The following ZNF439 variants were observed in gnomAD, a reference collection of about 807,000 sequenced individuals.
ZNF439 encodes the protein zinc finger protein 439.
A neutral mutation model predicts 47.3 loss-of-function variants in ZNF439; 40 were observed. That is an observed-to-expected ratio of 0.85 (90% CI 0.66 to 1.10). The LOEUF (loss-of-function observed/expected upper bound fraction) is 1.10. Among genes scored for constraint, ZNF439 ranks in the 50% least tolerant of loss-of-function variants. The pLI is 0.00. For synonymous variants in ZNF439, 171 were observed against 198.8 expected (o/e 0.86, Z 1.18); for missense variants, 556 against 601.1 (o/e 0.93, Z 0.78).
intron 1 of ZNF439, among the ~76,000 whole-genome samples, chr19:11,864,268 G>A (rs1976614935): frequency 6.6e-6 from 1 of 152,076 alleles, no homozygotes; most frequent in Non-Finnish European, 1.5e-5. Flanking sequence ...CTTGTCACAT[G>A]CCTTTTCTGC....
At chr19:11,853,821 A>C (rs1976314431) in intron 1 of ZNF439, among the ~76,000 whole-genome samples, 1 of 152,230 alleles carries the variant, frequency 6.6e-6, no homozygotes, top group African/African-American at 2.4e-5. Flanking sequence ...AACAAAAAAC[A>C]GAGACTAAAC....
intron 3 of ZNF439, among the ~76,000 whole-genome samples, chr19:11,867,090 G>A (rs1447466921): frequency 2.0e-5 from 3 of 152,208 alleles, no homozygotes; most frequent in Non-Finnish European, 2.9e-5. Flanking sequence ...TACATGGGAA[G>A]AGTATTAAGA....
Position 11,865,712 on chromosome 19 carries a change from C to CAAAAAAA in ZNF439, c.64-471_64-465dup, listed in dbSNP as rs71166640. Among the ~76,000 whole-genome samples, 28 of 82,004 alleles carry CAAAAAAA rather than the reference C, an allele frequency of 3.4e-4. 4 individuals are homozygous for CAAAAAAA. The highest frequency in any genetic ancestry group is 1.5e-3 in the African/African-American group (22 of 14,722). 53.8% of individuals were successfully genotyped at this position (82,004 alleles called of 152,430 possible). A position where few individuals can be genotyped will look rare whatever the true frequency, so the allele number is the denominator to read the frequency against. On this transcript the variant is annotated intron_variant, in intron 1 of 3. Transcript: ENST00000682736. Reference sequence around the variant, plus strand: ...CAGCTGACAGAGCGATACACTATCACAAAAAAAAAAAAAAAAAAAAAAAAA... The same window carrying CAAAAAAA: ...CAGCTGACAGAGCGATACACTATCACAAAAAAAAAAAAAAAAAAAAAAAAAAAAAAAA...
At chr19:11,849,226 C>T in intron 1 of ZNF439, 3 of 1,039,706 alleles carry the variant, frequency 2.9e-6, no homozygotes, top group Non-Finnish European at 3.5e-6. Context: ...GCGCGGATTT[C>T]GACTCGGGTG....
At chr19:11,848,961 G>C (rs1328754774) in intron 1 of ZNF439, 31 bp downstream of exon 1, 10 of 1,530,918 alleles carry the variant, frequency 6.5e-6, no homozygotes, top group East Asian at 2.5e-5. Flanking sequence ...TGGTGCGATG[G>C]GGGAGGGGCT....
At chr19:11,853,527 T>A (rs1201460876) in intron 1 of ZNF439, among the ~76,000 whole-genome samples, 1 of 152,094 alleles carries the variant, frequency 6.6e-6, no homozygotes, top group African/African-American at 2.4e-5. Context: ...GCTCCAGATG[T>A]CCCAGTAGAT....
chr19:11,868,351 C>A lies in ZNF439; in HGVS notation c.1297C>A (p.His433Asn). ...CAGATCTGCCCCAAATCTTCAATTG[C>A]ATGGTAGGACTCACACTGGAGAGAA... ...AFRSAPNLQL[H>N]GRTHTGEKPY... Residue 433 changes from histidine (H) to asparagine (N), a missense_variant, in exon 4 of 4, where the codon CAT becomes AAT. Transcript: ENST00000682736. 6.2e-7 allele frequency: 1 copy of A among 1,602,378 alleles called. No individual in the cohort carries two copies. The highest frequency in any genetic ancestry group is 8.5e-7 in the Non-Finnish European group (1 of 1,170,598).
At position 11,858,962 on chromosome 19, in the gene ZNF439, G is replaced by C. The variant is rs1232155220; in HGVS notation, c.64-7243G>C. ...TTGACCCTTGGCTCTTTTTAGATTT[G>C]TCAACTACTAAATTAGCCATTGCTT... On this transcript the variant is annotated intron_variant, in intron 1 of 3. Transcript: ENST00000682736. Among the ~76,000 whole-genome samples, 3 of 152,082 alleles carry C rather than the reference G, an allele frequency of 2.0e-5. No individual in the cohort carries two copies. In the East Asian group the frequency reaches 5.8e-4, roughly 29 times the overall value.
intron 1 of ZNF439, among the ~76,000 whole-genome samples, chr19:11,860,207 C>T (rs930825944): frequency 2.0e-5 from 3 of 152,032 alleles, no homozygotes; most frequent in Non-Finnish European, 4.4e-5. Context: ...TTTGGGAGGC[C>T]GAGGCGGGTG....
At chr19:11,864,152 C>T (rs552016582) in intron 1 of ZNF439, among the ~76,000 whole-genome samples, 32 of 152,176 alleles carry the variant, frequency 2.1e-4, no homozygotes, top group African/African-American at 7.5e-4. Flanking sequence ...GAATTGCAGA[C>T]GTGTGAAAAA....
At chr19:11,855,201 G>T (rs1039604382) in intron 1 of ZNF439, among the ~76,000 whole-genome samples, 3 of 152,296 alleles carry the variant, frequency 2.0e-5, no homozygotes, top group Admixed American at 1.3e-4. Context: ...TTTGTGCCAT[G>T]ATTTCTAATT....
chr19:11,849,162 C>A, intron 1 of ZNF439: 1 of 1,092,514 alleles, frequency 9.2e-7, no homozygotes, highest in Non-Finnish European at 1.1e-6. Flanking sequence ...TTTTGTGCAG[C>A]TCCGCGCCCG....
Position 11,867,379 on chromosome 19 carries a change from G to C in ZNF439, c.325G>C (p.Asp109His). The C allele has an allele frequency of 6.2e-7, 1 of 1,613,970 alleles. No individual in the cohort carries two copies. The highest frequency in any genetic ancestry group is 8.5e-7 in the Non-Finnish European group (1 of 1,179,860). The change falls in exon 4 of 4, where the codon GAT (aspartate) becomes CAT (histidine). Residue 109 changes from aspartate (D) to histidine (H), a missense_variant. Asp to His is a moderately conservative substitution (Grantham distance 81, BLOSUM62 -1). Transcript: ENST00000682736. ...TGGAGAAACTTTTACCCCAGTTCCA[G>C]ATGACAGGCTGAACTTCCAGAAGAA... ...HCGETFTPVP[D>H]DRLNFQKKKA...
rs573142936 is a variant in ZNF439, at chr19:11,853,939, A to C, written c.63+5009A>C. On this transcript the variant is annotated intron_variant, in intron 1 of 3. Transcript: ENST00000682736. ...GGAATTCACTCCAGACTTCTAAGGA[A>C]GGCTGAAACTCTTGAGTTTGCTTAT... Among the ~76,000 whole-genome samples, 6 of 152,348 alleles carry C rather than the reference A, an allele frequency of 3.9e-5. No individual in the cohort carries two copies. In the East Asian group the frequency reaches 9.6e-4, roughly 24 times the overall value.
chr19:11,867,832 G>T lies in ZNF439; in HGVS notation c.778G>T (p.Ala260Ser), dbSNP rs1299480403. 4 of 1,613,356 alleles carry T rather than the reference G, an allele frequency of 2.5e-6. No homozygotes were observed. The South Asian group carries it at 4.4e-5, about 18-fold the overall frequency. ...ATGTGGTAAATCTTTTAGTTATTCT[G>T]CTACCCATCGAATACATGAAAGAAC... ...KQCGKSFSYS[A>S]THRIHERTHI... Residue 260 changes from alanine (A) to serine (S), a missense_variant, in exon 4 of 4, where the codon GCT (alanine) becomes TCT (serine). Coordinates refer to ENST00000682736, the MANE Select transcript of ZNF439 (RefSeq NM_001348719.2).
intron 1 of ZNF439, chr19:11,850,302 G>A (rs1976199643): frequency 6.6e-6 from 1 of 152,102 alleles, no homozygotes; most frequent in Non-Finnish European, 1.5e-5. Flanking sequence ...TCAAACTCCT[G>A]ACCTCAAGTG....
At chr19:11,858,892 G>A (rs563713078) in intron 1 of ZNF439, among the ~76,000 whole-genome samples, 5 of 152,148 alleles carry the variant, frequency 3.3e-5, no homozygotes, top group Non-Finnish European at 7.4e-5. Context: ...TTTCCCTGTA[G>A]GGACTTTTCT....
intron 2 of ZNF439, 26 bp from the exon 3 acceptor site, chr19:11,866,511 A>G: frequency 1.9e-6 from 3 of 1,611,506 alleles, no homozygotes; most frequent in Non-Finnish European, 1.7e-6. Context: ...CTGCCTCAGG[A>G]TTATTTTTCT....
At chr19:11,855,251 C>T (rs1976354519) in intron 1 of ZNF439, among the ~76,000 whole-genome samples, 1 of 152,246 alleles carries the variant, frequency 6.6e-6, no homozygotes, top group Middle Eastern at 3.4e-3. Flanking sequence ...GTCCCCAATC[C>T]ACAATGTCTG....
Sources: gnomAD v4.1 joint callset for allele counts (sites outside exome capture counted in the v4.1 genomes callset) on GRCh38, gnomAD v4.1.1 for gene constraint, MANE v1.5 for transcripts, NCBI Gene and HGNC (gene_info 2026-07-23, HGNC 2026-07-21) for gene names.